ST18: variants seen among roughly 807,000 people sequenced by gnomAD.
ST18 encodes the protein ST18 C2H2C-type zinc finger transcription factor.
ST18 carries 50 observed loss-of-function variants against 110.0 expected under a neutral mutation model. The observed-to-expected ratio is 0.45, with a 90% CI of 0.36 to 0.58. ST18 has a LOEUF of 0.58. Among genes scored for constraint, ST18 ranks in the 20% least tolerant of loss-of-function variants. ST18 has a pLI of 0.00. For missense variants in ST18, 1,306 were observed against 1,280.1 expected, an observed-to-expected ratio of 1.02 and a Z score of -0.31; for synonymous variants, 461 against 452.4, an observed-to-expected ratio of 1.02 and a Z score of -0.24.
intron 15 of ST18, among the ~76,000 whole-genome samples, chr8:52,157,691 T>C (rs2132960881): frequency 6.6e-6 from 1 of 152,348 alleles, no homozygotes; most frequent in East Asian, 1.9e-4. Context: ...TGTTTAAAAA[T>C]TGTTTTTGAG....
intron 11 of ST18, 134 bp from the exon 12 acceptor site, chr8:52,165,359 A>T: frequency 1.2e-6 from 1 of 817,324 alleles, no homozygotes; most frequent in Non-Finnish European, 2.0e-6. Context: ...CTCTATTCAG[A>T]CACAAACAAG....
rs1826775625 is a variant in ST18, at chr8:52,363,874, C to T, written c.-465+45454G>A. On this transcript the variant is annotated intron_variant, in intron 2 of 25. Coordinates refer to ENST00000689386, the MANE Select transcript of ST18 (RefSeq NM_001352837.2). ...CCAGTTTTATAAAAGTAAGTCCAGTCCTAATTCTAGGTGCTTTAGGCATGT... is the reference window on the plus strand; with the variant it reads ...CCAGTTTTATAAAAGTAAGTCCAGTTCTAATTCTAGGTGCTTTAGGCATGT... Among the ~76,000 whole-genome samples, 3 of 152,066 alleles carry T rather than the reference C, an allele frequency of 2.0e-5. No homozygotes were observed. In the South Asian group the frequency reaches 6.2e-4, roughly 32 times the overall value.
At chr8:52,122,012 AT>A (rs1204027256) in intron 23 of ST18, among the ~76,000 whole-genome samples, 1 of 151,974 alleles carries the variant, frequency 6.6e-6, no homozygotes, top group Non-Finnish European at 1.5e-5. Flanking sequence ...TGCCCAGCTA[AT>A]TTTTTTATTT....
At chr8:52,251,212 C>T (rs549326893) in intron 2 of ST18, among the ~76,000 whole-genome samples, 5 of 152,142 alleles carry the variant, frequency 3.3e-5, no homozygotes, top group African/African-American at 1.2e-4. Flanking sequence ...ACCTTGAAAC[C>T]TTTGGGGAAA....
intron 2 of ST18, among the ~76,000 whole-genome samples, chr8:52,351,238 T>A (rs967511434): frequency 1.3e-5 from 2 of 152,226 alleles, no homozygotes; most frequent in Admixed American, 1.3e-4. Context: ...TATCAGCATC[T>A]GATGAGATGA....
At position 52,267,483 on chromosome 8, in the gene ST18, TAAAAA is replaced by T. The variant is rs57769643; in HGVS notation, c.-464-37411_-464-37407del. Among the ~76,000 whole-genome samples the T allele has an allele frequency of 6.3e-4, 73 of 115,032 alleles. 1 individual carries two copies. Among genetic ancestry groups the T allele is most frequent in the Middle Eastern group, 4.9e-3 (1 of 206 alleles). The allele number at this position is 115,032 out of a possible 152,430, so 75.5% of individuals were successfully genotyped here. On this transcript the variant is annotated intron_variant, in intron 2 of 25. Transcript: ENST00000689386. ...CTCTCCTTCAAACTCAGAGATAAGC[TAAAAA>T]AAAAAAAAAAAAAAAACCCAAAACC...
chr8:52,403,372 G>T (rs1402504694), intron 2 of ST18: 1 of 152,314 alleles, frequency 6.6e-6, no homozygotes, highest in African/African-American at 2.4e-5. Flanking sequence ...TCCTTCTTTG[G>T]AGCAGTGCAG....
Position 52,172,508 on chromosome 8 carries a change from C to T in ST18, c.353G>A (p.Arg118Lys), listed in dbSNP as rs780642400. The T allele has an allele frequency of 1.1e-5, 17 of 1,613,380 alleles. No homozygotes were observed. The highest frequency in any genetic ancestry group is 1.7e-5 in the Admixed American group (1 of 59,930). Residue 118 changes from arginine to lysine, a missense_variant, in exon 10 of 26, where the codon AGA (arginine) becomes AAA (lysine). Transcript: ENST00000689386. ...CATGAGCTCTTGATAACAAGAGTAT[C>T]TGTCTTCCTTCCTACTGGAGTTTTC... Reference protein sequence around the residue: ...AQENSSRKEDRYSCYQELMVK... With the variant: ...AQENSSRKEDKYSCYQELMVK...
At position 52,184,319 on chromosome 8, in the gene ST18, C is replaced by G. The variant is rs142817305; in HGVS notation, c.87-4007G>C. On this transcript the variant is annotated intron_variant, in intron 8 of 25. Coordinates refer to ENST00000689386, the MANE Select transcript of ST18 (RefSeq NM_001352837.2). Reference sequence around the variant, plus strand: ...TGTTGCTTTAAACATCCAGCGTCCCCCAGGAAACTTTATCAATGCAGCAAA... The same window carrying G: ...TGTTGCTTTAAACATCCAGCGTCCCGCAGGAAACTTTATCAATGCAGCAAA... Among the ~76,000 whole-genome samples the G allele has an allele frequency of 8.1e-3, 1,235 of 152,262 alleles. 13 individuals carry two copies. The highest frequency in any genetic ancestry group is 0.029 in the African/African-American group (1,189 of 41,558).
At chr8:52,357,747 G>A (rs1304250619) in intron 2 of ST18, among the ~76,000 whole-genome samples, 1 of 125,164 alleles carries the variant, frequency 8.0e-6, no homozygotes, top group Non-Finnish European at 1.7e-5. Context: ...GACTCAAAGG[G>A]AGAAATAGTT....
chr8:52,356,252 G>A (rs907034642), intron 2 of ST18, among the ~76,000 whole-genome samples: 6 of 152,026 alleles, frequency 3.9e-5, no homozygotes, highest in Non-Finnish European at 7.4e-5. Flanking sequence ...TCCCAATACC[G>A]GGTCAGTTTG....
At position 52,144,341 on chromosome 8, in the gene ST18, A is replaced by G. The variant is rs975293116; in HGVS notation, c.2053-1296T>C. Reference sequence around the variant, plus strand: ...TGAATCGTTCAAAATAATTTTTTTAAATTAAATGAATATAAAAATACTATA... The same window carrying G: ...TGAATCGTTCAAAATAATTTTTTTAGATTAAATGAATATAAAAATACTATA... On this transcript the variant is annotated intron_variant, in intron 16 of 25. Transcript: ENST00000689386. Among the ~76,000 whole-genome samples, 3 of 152,092 alleles carry G rather than the reference A, an allele frequency of 2.0e-5. No homozygotes were observed. The East Asian group carries it at 5.8e-4, about 29-fold the overall frequency.
At chr8:52,342,075 C>T (rs1447149475) in intron 2 of ST18, among the ~76,000 whole-genome samples, 1 of 152,082 alleles carries the variant, frequency 6.6e-6, no homozygotes, top group African/African-American at 2.4e-5. Context: ...TTTAGTGTTC[C>T]TAAGAGAGTA....
At chr8:52,343,394 TCA>T (rs1161773378) in intron 2 of ST18, among the ~76,000 whole-genome samples, 20 of 152,154 alleles carry the variant, frequency 1.3e-4, no homozygotes, top group African/African-American at 4.8e-4. Flanking sequence ...TATCTTTTAC[TCA>T]CAGAGCTGGA....
intron 2 of ST18, among the ~76,000 whole-genome samples, chr8:52,282,039 T>A (rs1240357864): frequency 6.6e-6 from 1 of 152,136 alleles, no homozygotes; most frequent in Non-Finnish European, 1.5e-5. Flanking sequence ...ATAAACCTAT[T>A]GAAATAAAAG....
chr8:52,254,861 C>G (rs2094474679), intron 2 of ST18, among the ~76,000 whole-genome samples: 1 of 152,154 alleles, frequency 6.6e-6, no homozygotes, highest in African/African-American at 2.4e-5. Context: ...AACAGCCTAG[C>G]AATTATTTGA....
intron 9 of ST18, among the ~76,000 whole-genome samples, chr8:52,173,847 G>C (rs1377190181): frequency 6.6e-6 from 1 of 152,200 alleles, no homozygotes; most frequent in Non-Finnish European, 1.5e-5. Flanking sequence ...CATCCGGTGT[G>C]AGCACTGAGG....
chr8:52,166,705 T>C, intron 11 of ST18, 147 bp downstream of exon 11: 1 of 1,136,230 alleles, frequency 8.8e-7, no homozygotes, highest in Non-Finnish European at 1.2e-6. Context: ...ACACTATATT[T>C]TAAAACCCAC....
chr8:52,322,247 A>G (rs1334403333), intron 2 of ST18, among the ~76,000 whole-genome samples: 1 of 152,176 alleles, frequency 6.6e-6, no homozygotes, highest in African/African-American at 2.4e-5. Context: ...TTTTTCCTAC[A>G]ATTCTCATTT....
Sources: allele counts gnomAD v4.1 joint callset (sites outside exome capture counted in the v4.1 genomes callset), GRCh38; gene constraint gnomAD v4.1.1; transcripts MANE v1.5; gene names NCBI Gene and HGNC (gene_info 2026-07-23, HGNC 2026-07-21).